Variants in B4GALT6 observed in about 807,000 individuals in gnomAD.
B4GALT6 encodes the protein beta-1,4-galactosyltransferase 6.
In B4GALT6, 14 loss-of-function variants were observed where a neutral mutation model predicts 46.3. That is an observed-to-expected ratio of 0.30 (90% CI 0.20 to 0.47). The LOEUF is 0.47. B4GALT6 is among the 20% of genes least tolerant of loss of function. The probability of loss-of-function intolerance (pLI) is 0.99; values close to 1 mark genes in which losing one functional copy is unlikely to be tolerated. For synonymous variants in B4GALT6, 168 were observed against 162.0 expected (o/e 1.04, Z -0.28); for missense variants, 386 against 480.1 (o/e 0.80, Z 1.83).
At chr18:31,700,558 G>A in the B4GALT6 span, among the ~76,000 whole-genome samples, 2 of 151,876 alleles carry the variant, frequency 1.3e-5, no homozygotes, top group Admixed American at 6.6e-5. Flanking sequence ...CCAGGTTCGC[G>A]CCATTCTCCT....
upstream of B4GALT6, among the ~76,000 whole-genome samples, chr18:31,688,163 AATTTGT>A (rs1215841471): frequency 5.3e-5 from 8 of 151,636 alleles, no homozygotes; most frequent in African/African-American, 1.9e-4. Context: ...TAGACAATTG[AATTTGT>A]ATTTATATAA....
chr18:31,698,422 G>A, the B4GALT6 span, among the ~76,000 whole-genome samples: 1 of 152,100 alleles, frequency 6.6e-6, no homozygotes, highest in Non-Finnish European at 1.5e-5. Flanking sequence ...TTGAGGTCAG[G>A]AGTTCAAGAC....
rs542025013 is a variant in B4GALT6 at position 31,624,039 on chromosome 18, T to C, written c.*1575A>G. 3 of 152,044 alleles carry C rather than the reference T, an allele frequency of 2.0e-5. No individual in the cohort carries two copies. Among genetic ancestry groups the C allele is most frequent in the Non-Finnish European group, 2.9e-5 (2 of 67,910 alleles). The allele number at this position is 152,044 out of a possible 1,614,324, so 9.4% of individuals were successfully genotyped here. A position where few individuals can be genotyped will look rare whatever the true frequency, so the allele number is the denominator to read the frequency against. ...AAGATATTTTAAACAATCTTTATAA[T>C]TGCTAATTTTCAAAAAAGAATACTG... On this transcript the variant is annotated 3_prime_UTR_variant, in exon 9 of 9. Transcript: ENST00000306851.
chr18:31,662,008 T>C (rs2074223269), intron 2 of B4GALT6, among the ~76,000 whole-genome samples: 1 of 152,212 alleles, frequency 6.6e-6, no homozygotes, highest in African/African-American at 2.4e-5. Context: ...ACAGAAGTGC[T>C]CGGCTCTCTA....
At chr18:31,671,207 A>C (rs1423073267) in intron 1 of B4GALT6, among the ~76,000 whole-genome samples, 1 of 152,198 alleles carries the variant, frequency 6.6e-6, no homozygotes, top group Non-Finnish European at 1.5e-5. Context: ...CAATAAACAT[A>C]CGTGTGCATG....
At chr18:31,657,184 A>C (rs2074150601) in intron 3 of B4GALT6, among the ~76,000 whole-genome samples, 1 of 150,924 alleles carries the variant, frequency 6.6e-6, no homozygotes, top group Non-Finnish European at 1.5e-5. Context: ...GAAAACTCAC[A>C]CTCTGTTGTT....
upstream of B4GALT6, among the ~76,000 whole-genome samples, chr18:31,684,876 C>G (rs1048566705): frequency 6.7e-6 from 1 of 150,206 alleles, no homozygotes; most frequent in Non-Finnish European, 1.5e-5. Context: ...CCGGCGGGGT[C>G]CCGCCGCGAA....
chr18:31,681,411 G>A (rs1350252267), intron 1 of B4GALT6, among the ~76,000 whole-genome samples: 1 of 152,178 alleles, frequency 6.6e-6, no homozygotes, highest in Non-Finnish European at 1.5e-5. Context: ...ATGGTGTGGT[G>A]ATGGGGCAGG....
the B4GALT6 span, among the ~76,000 whole-genome samples, chr18:31,718,236 G>C: frequency 1.3e-5 from 2 of 152,116 alleles, no homozygotes; most frequent in African/African-American, 2.4e-5. Flanking sequence ...AGATATTTTT[G>C]GTTGTCTCAA....
chr18:31,708,549 A>C, the B4GALT6 span, among the ~76,000 whole-genome samples: 3,034 of 152,272 alleles, frequency 0.02, 80 homozygotes, highest in African/African-American at 0.057. Flanking sequence ...TGGGAGACAG[A>C]GTGAGACTCG....
upstream of B4GALT6, among the ~76,000 whole-genome samples, chr18:31,685,494 G>A (rs1180616184): frequency 6.6e-6 from 1 of 151,638 alleles, no homozygotes; most frequent in Non-Finnish European, 1.5e-5. Context: ...GCCGGGCCCC[G>A]AGGAAACCTG....
the B4GALT6 span, among the ~76,000 whole-genome samples, chr18:31,722,642 C>T: frequency 2.5e-4 from 38 of 152,130 alleles, no homozygotes; most frequent in African/African-American, 7.2e-4. Flanking sequence ...GGAGCACAGG[C>T]CTGAAGTGGG....
chr18:31,707,506 A>C, the B4GALT6 span, among the ~76,000 whole-genome samples: 1 of 152,316 alleles, frequency 6.6e-6, no homozygotes, highest in Non-Finnish European at 1.5e-5. Flanking sequence ...CCTGTTCTAC[A>C]TGAAGAGGTT....
intron 3 of B4GALT6, among the ~76,000 whole-genome samples, chr18:31,646,937 C>T (rs116587544): frequency 9.5e-4 from 144 of 152,312 alleles, no homozygotes; most frequent in Middle Eastern, 3.4e-3. Flanking sequence ...AACACTCAGC[C>T]TTCAGCGTGA....
At chr18:31,685,016 A>ACGCGCGGGGG (rs1257939045), upstream of B4GALT6, among the ~76,000 whole-genome samples, 3 of 145,700 alleles carry the variant, frequency 2.1e-5, no homozygotes, top group Non-Finnish European at 4.6e-5. Flanking sequence ...AGCGCGCGCC[A>ACGCGCGGGGG]CGCGCGGGGG....
At chr18:31,721,301 G>A in the B4GALT6 span, among the ~76,000 whole-genome samples, 14 of 152,148 alleles carry the variant, frequency 9.2e-5, no homozygotes, top group East Asian at 3.9e-4. Context: ...AAACCTGCAC[G>A]TTGTGCACAT....
chr18:31,703,120 T>C, the B4GALT6 span, among the ~76,000 whole-genome samples: 1 of 152,180 alleles, frequency 6.6e-6, no homozygotes, highest in African/African-American at 2.4e-5. Flanking sequence ...GAATTTCTTT[T>C]AGAAGGGAAA....
the B4GALT6 span, among the ~76,000 whole-genome samples, chr18:31,692,691 G>T: frequency 6.6e-6 from 1 of 152,118 alleles, no homozygotes; most frequent in South Asian, 2.1e-4. Context: ...ATTAGCTAAC[G>T]CATATGGATG....
chr18:31,627,068 A>C lies in B4GALT6; in HGVS notation c.830T>G (p.Phe277Cys). Residue 277 changes from phenylalanine to cysteine, a missense_variant, in exon 7 of 9, where the codon TTT becomes TGT. Coordinates refer to ENST00000306851, the MANE Select transcript of B4GALT6 (RefSeq NM_004775.5). ...ATTAGGAAAACCATTGATCTTTCTA[A>C]ATTGTTCCACTGTCAGCCCACTTAC... ...GGVSGLTVEQ[F>C]RKINGFPNAF... 1 of 1,611,526 alleles carries C rather than the reference A, an allele frequency of 6.2e-7. No homozygotes were observed. Among genetic ancestry groups the C allele is most frequent in the Non-Finnish European group, 8.5e-7 (1 of 1,178,946 alleles).
Sources: allele counts gnomAD v4.1 joint callset (sites outside exome capture counted in the v4.1 genomes callset), GRCh38; gene constraint gnomAD v4.1.1; transcripts MANE v1.5; gene names NCBI Gene and HGNC (gene_info 2026-07-23, HGNC 2026-07-21).